The following SLC26A5 variants were observed in gnomAD, a reference collection of about 807,000 sequenced individuals.
The protein encoded by SLC26A5 is prestin.
A neutral mutation model predicts 81.0 loss-of-function variants in SLC26A5; 51 were observed. That is an observed-to-expected ratio of 0.63 (90% CI 0.50 to 0.80). The LOEUF is 0.80. Among genes scored for constraint, SLC26A5 ranks in the 30% least tolerant of loss-of-function variants. SLC26A5 has a pLI of 0.00. For missense variants in SLC26A5, 771 were observed against 905.8 expected (o/e 0.85, Z 1.91); for synonymous variants, 325 against 332.8 (o/e 0.98, Z 0.25).
At chr7:103,426,220 A>G (rs1825702784) in intron 2 of SLC26A5, among the ~76,000 whole-genome samples, 1 of 152,208 alleles carries the variant, frequency 6.6e-6, no homozygotes, top group African/African-American at 2.4e-5. Flanking sequence ...CATCCACTAT[A>G]CTTCAGGCAA....
At chr7:103,428,658 G>A (rs753952949) in intron 2 of SLC26A5, among the ~76,000 whole-genome samples, 1 of 150,690 alleles carries the variant, frequency 6.6e-6, no homozygotes, top group Non-Finnish European at 1.5e-5. Flanking sequence ...CACCTCCCAG[G>A]TTCAAGCGAT....
intron 9 of SLC26A5, among the ~76,000 whole-genome samples, chr7:103,393,965 T>C (rs1179652295): frequency 3.3e-5 from 5 of 152,230 alleles, no homozygotes; most frequent in Non-Finnish European, 5.9e-5. Context: ...GCTCATTTAA[T>C]TGTTTTCAAT....
At chr7:103,430,677 C>T (rs1826016202) in intron 2 of SLC26A5, among the ~76,000 whole-genome samples, 1 of 148,226 alleles carries the variant, frequency 6.7e-6, no homozygotes, top group African/African-American at 2.6e-5. Flanking sequence ...CGTGATTTTG[C>T]ATAGAGATGT....
At chr7:103,381,960 A>C (rs990748561) in intron 14 of SLC26A5, among the ~76,000 whole-genome samples, 2 of 151,762 alleles carry the variant, frequency 1.3e-5, no homozygotes, top group African/African-American at 2.4e-5. Context: ...CATCACGTAT[A>C]CCTCACACCA....
At chr7:103,429,561 T>G (rs977997261) in intron 2 of SLC26A5, among the ~76,000 whole-genome samples, 5 of 152,272 alleles carry the variant, frequency 3.3e-5, no homozygotes, top group Admixed American at 3.3e-4. Context: ...TAAAAGGAAT[T>G]TGAAAAGCTG....
At chr7:103,394,735 C>T (rs76121404) in intron 9 of SLC26A5, among the ~76,000 whole-genome samples, 3,118 of 152,256 alleles carry the variant, frequency 0.02, 124 homozygotes, top group African/African-American at 0.07. Context: ...TCATTCCTCC[C>T]ATACTTGTAT....
intron 17 of SLC26A5, 114 bp downstream of exon 17, chr7:103,378,332 T>C (rs1821508355): frequency 3.8e-6 from 4 of 1,057,708 alleles, no homozygotes; most frequent in Non-Finnish European, 5.9e-6. Context: ...AGGTGGTTTC[T>C]AAACTTTCCT....
intron 8 of SLC26A5, among the ~76,000 whole-genome samples, chr7:103,407,031 A>C (rs1824113792): frequency 6.6e-6 from 1 of 152,206 alleles, no homozygotes; most frequent in Non-Finnish European, 1.5e-5. Flanking sequence ...TCTGTGGGAC[A>C]CTTTGGATAT....
Position 103,410,531 on chromosome 7 carries a change from T to C in SLC26A5, c.589A>G (p.Arg197Gly). 1 of 1,613,572 alleles carries C rather than the reference T, an allele frequency of 6.2e-7. No individual in the cohort carries two copies. The highest frequency in any genetic ancestry group is 8.5e-7 in the Non-Finnish European group (1 of 1,179,786). Residue 197 changes from arginine to glycine, a missense_variant, in exon 7 of 20, where the codon AGG becomes GGG. Coordinates refer to ENST00000306312, the MANE Select transcript of SLC26A5 (RefSeq NM_198999.3). ...GIIQFCLGVC[R>G]FGFVAIYLTE... is the part of the protein sequence containing the mutation. ...AGATATATGGCCACAAATCCAAACC[T>C]ACAGACACCTAGGCAAAACTATTTT... is the stretch of plus-strand genomic sequence containing the variant.
chr7:103,437,917 A>G (rs1213866080), intron 2 of SLC26A5, among the ~76,000 whole-genome samples: 1 of 152,216 alleles, frequency 6.6e-6, no homozygotes, highest in Non-Finnish European at 1.5e-5. Context: ...GAAAATTTGC[A>G]TTGGTTTCCA....
At chr7:103,399,895 T>A (rs886858514) in intron 8 of SLC26A5, among the ~76,000 whole-genome samples, 6 of 152,222 alleles carry the variant, frequency 3.9e-5, no homozygotes, top group African/African-American at 1.4e-4. Flanking sequence ...GCAAAGGACA[T>A]GAACTCATCC....
intron 5 of SLC26A5, among the ~76,000 whole-genome samples, chr7:103,412,541 AGTTTTTTTTTT>A (rs903575569): frequency 7.5e-5 from 10 of 132,902 alleles, no homozygotes; most frequent in African/African-American, 2.4e-4. Flanking sequence ...GGAGGAGTGT[AGTTTTTTTTTT>A]GTTTTTTTTT....
intron 2 of SLC26A5, among the ~76,000 whole-genome samples, chr7:103,437,304 G>C (rs1485188539): frequency 1.3e-5 from 2 of 152,112 alleles, no homozygotes; most frequent in African/African-American, 2.4e-5. Flanking sequence ...AGCATGCAGA[G>C]AAAACAGAAC....
intron 11 of SLC26A5, 42 bp from the exon 12 acceptor site, chr7:103,390,548 T>C: frequency 6.7e-7 from 1 of 1,502,478 alleles, no homozygotes; most frequent in African/African-American, 1.4e-5. Context: ...TTAGGAGACT[T>C]GAATAAGAGG....
chr7:103,360,878 G>A (rs542403754), intron 19 of SLC26A5, among the ~76,000 whole-genome samples: 12 of 152,236 alleles, frequency 7.9e-5, no homozygotes, highest in Middle Eastern at 3.4e-3. Flanking sequence ...TTGGGAGGCC[G>A]AAGCAGGTGG....
intron 19 of SLC26A5, chr7:103,352,932 A>G (rs1396194300): frequency 7.7e-6 from 6 of 780,756 alleles, no homozygotes; most frequent in Non-Finnish European, 1.4e-5. Context: ...GAAAGCTGAA[A>G]CAAGAGGGTA....
chr7:103,364,334 T>C, intron 19 of SLC26A5: 2 of 1,610,564 alleles, frequency 1.2e-6, no homozygotes, highest in Non-Finnish European at 1.7e-6. Flanking sequence ...AAAGAATATA[T>C]AGCCTTGTGA....
At chr7:103,430,434 C>A (rs139419846) in intron 2 of SLC26A5, among the ~76,000 whole-genome samples, 3 of 152,266 alleles carry the variant, frequency 2.0e-5, no homozygotes, top group African/African-American at 7.2e-5. Context: ...GCTTTCTGTA[C>A]CCTAATTTCC....
chr7:103,413,085 A>G lies in SLC26A5; in HGVS notation c.320T>C (p.Val107Ala). The G allele has an allele frequency of 6.2e-7, 1 of 1,613,996 alleles. No individual in the cohort carries two copies. Residue 107 changes from valine to alanine, a missense_variant, in exon 5 of 20, where the codon GTG (valine) becomes GCG (alanine). By Grantham distance (64) the Val-to-Ala change is moderately conservative (BLOSUM62 0). Coordinates refer to ENST00000306312, the MANE Select transcript of SLC26A5 (RefSeq NM_198999.3). ...AGAGTACAGGCCAAATATTGGAGGC[A>G]CAGCTGCCAGCATTGCAAAGGCTAA... ...QGLAFAMLAA[V>A]PPIFGLYSSF...
Sources: allele counts gnomAD v4.1 joint callset (sites outside exome capture counted in the v4.1 genomes callset), GRCh38; gene constraint gnomAD v4.1.1; transcripts MANE v1.5; gene names NCBI Gene and HGNC (gene_info 2026-07-23, HGNC 2026-07-21).